Variants in ADGRL3 observed in about 807,000 individuals in gnomAD.
ADGRL3 encodes adhesion G protein-coupled receptor L3, also known as calcium-independent alpha-latrotoxin receptor 3.
In ADGRL3, 62 loss-of-function variants were observed where a neutral mutation model predicts 153.5. The ratio of observed to expected loss-of-function variants is 0.40; its 90% CI spans 0.33 to 0.50. The LOEUF (loss-of-function observed/expected upper bound fraction) is 0.50, where lower values mean the gene tolerates loss of function less well. Ranked by LOEUF, ADGRL3 falls within the 20% of genes least tolerant of loss-of-function variation. ADGRL3 has a pLI of 0.47. For missense variants in ADGRL3, 1,641 were observed against 1,859.4 expected, an observed-to-expected ratio of 0.88 and a Z score of 2.16; for synonymous variants, 710 against 672.5, an observed-to-expected ratio of 1.06 and a Z score of -0.86.
intron 5 of ADGRL3, among the ~76,000 whole-genome samples, chr4:61,593,616 C>T (rs2098978066): frequency 6.6e-6 from 1 of 152,224 alleles, no homozygotes; most frequent in South Asian, 2.1e-4. Flanking sequence ...ATGCCATTCT[C>T]TCCTGGCCTG....
At chr4:61,452,194 G>A (rs991602094) in intron 2 of ADGRL3, among the ~76,000 whole-genome samples, 3 of 152,094 alleles carry the variant, frequency 2.0e-5, no homozygotes, top group Admixed American at 6.6e-5. Context: ...ATGAGTAGTC[G>A]ATAATAGGGT....
intron 9 of ADGRL3, among the ~76,000 whole-genome samples, chr4:61,840,506 TA>T (rs2098013591): frequency 6.6e-6 from 1 of 151,932 alleles, no homozygotes; most frequent in African/African-American, 2.4e-5. Context: ...TTTTTGAGTC[TA>T]AGCCTGAGAG....
intron 2 of ADGRL3, among the ~76,000 whole-genome samples, chr4:61,392,445 G>A (rs1035852247): frequency 5.9e-5 from 9 of 151,292 alleles, no homozygotes; most frequent in African/African-American, 2.2e-4. Flanking sequence ...CCAGCACTTT[G>A]GGAGGCAGAG....
chr4:61,259,517 C>G (rs1268547229), intron 1 of ADGRL3, among the ~76,000 whole-genome samples: 1 of 152,052 alleles, frequency 6.6e-6, no homozygotes, highest in Non-Finnish European at 1.5e-5. Context: ...ATTGGTCAGG[C>G]TTCTTCCTAA....
chr4:61,997,267 G>C (rs2099125005), intron 20 of ADGRL3, among the ~76,000 whole-genome samples: 1 of 149,626 alleles, frequency 6.7e-6, no homozygotes, highest in African/African-American at 2.5e-5. Flanking sequence ...AAAAAGGAAA[G>C]GTAAGAGCAA....
intron 2 of ADGRL3, among the ~76,000 whole-genome samples, chr4:61,432,201 A>C (rs1397577584): frequency 6.6e-6 from 1 of 152,212 alleles, no homozygotes; most frequent in Non-Finnish European, 1.5e-5. Context: ...TAGTAATTAT[A>C]AAGACAAAAA....
intron 8 of ADGRL3, among the ~76,000 whole-genome samples, chr4:61,768,120 C>T (rs367604498): frequency 2.4e-3 from 371 of 152,192 alleles, no homozygotes; most frequent in Middle Eastern, 0.01. Context: ...AGAGCCTAAA[C>T]GCTATCTGAT....
chr4:61,476,438 G>T (rs945013668), intron 2 of ADGRL3, among the ~76,000 whole-genome samples: 2 of 151,934 alleles, frequency 1.3e-5, no homozygotes, highest in Non-Finnish European at 2.9e-5. Flanking sequence ...AGGCGCTGTG[G>T]CTCATACCTG....
rs182398035 is a variant in ADGRL3, at chr4:61,844,662, A to T, written c.1480+30773A>T. ...TAAAACGAATAATCGTAATAACCTCATTGTTTTGTAGTTTGAACATCACTG... is the reference window on the plus strand; with the variant it reads ...TAAAACGAATAATCGTAATAACCTCTTTGTTTTGTAGTTTGAACATCACTG... On this transcript the variant is annotated intron_variant, in intron 9 of 26. Transcript: ENST00000683033. 2.2e-4 allele frequency among the ~76,000 whole-genome samples: 33 copies of T among 147,030 alleles called. No homozygotes were observed. In the Admixed American group the frequency reaches 2.3e-3, roughly 10 times the overall value.
chr4:61,605,992 C>A (rs2099030793), intron 5 of ADGRL3, among the ~76,000 whole-genome samples: 1 of 152,102 alleles, frequency 6.6e-6, no homozygotes, highest in African/African-American at 2.4e-5. Flanking sequence ...AAATACTTTA[C>A]ATAAAATATG....
At chr4:61,979,531 C>A in intron 17 of ADGRL3, 32 bp from the exon 18 acceptor site, 2 of 1,586,476 alleles carry the variant, frequency 1.3e-6, no homozygotes, top group Non-Finnish European at 1.7e-6. Flanking sequence ...TATGCATAAG[C>A]GCAACTTATG....
intron 8 of ADGRL3, among the ~76,000 whole-genome samples, chr4:61,805,826 T>C (rs1424729490): frequency 6.6e-6 from 1 of 152,172 alleles, no homozygotes; most frequent in Admixed American, 6.5e-5. Context: ...GCTTGGTGAA[T>C]TGTTATATCC....
At chr4:61,355,403 A>T (rs560292106) in intron 1 of ADGRL3, among the ~76,000 whole-genome samples, 27 of 152,074 alleles carry the variant, frequency 1.8e-4, no homozygotes, top group African/African-American at 6.3e-4. Flanking sequence ...ATAATTTCTC[A>T]ATTCTTAATG....
chr4:61,419,659 C>G (rs1177897534), intron 2 of ADGRL3, among the ~76,000 whole-genome samples: 1 of 152,192 alleles, frequency 6.6e-6, no homozygotes, highest in Non-Finnish European at 1.5e-5. Context: ...ATCAACATTA[C>G]AGTGAAAGAA....
At chr4:62,069,827 T>C (rs1355837946) in intron 26 of ADGRL3, among the ~76,000 whole-genome samples, 1 of 152,172 alleles carries the variant, frequency 6.6e-6, no homozygotes, top group Non-Finnish European at 1.5e-5. Context: ...CCAATGTTTG[T>C]GTGGCAATTG....
chr4:61,653,929 G>A (rs570409048), intron 5 of ADGRL3, among the ~76,000 whole-genome samples: 1 of 152,248 alleles, frequency 6.6e-6, no homozygotes, highest in South Asian at 2.1e-4. Flanking sequence ...ATACTAGGTA[G>A]GCAAATAGAT....
At chr4:61,464,817 A>G (rs577837605) in intron 2 of ADGRL3, among the ~76,000 whole-genome samples, 1 of 152,308 alleles carries the variant, frequency 6.6e-6, no homozygotes, top group South Asian at 2.1e-4. Flanking sequence ...AAGCACATAA[A>G]TTCATTTTCA....
At chr4:61,946,251 A>G (rs2098923352) in intron 15 of ADGRL3, among the ~76,000 whole-genome samples, 1 of 152,110 alleles carries the variant, frequency 6.6e-6, no homozygotes, top group Non-Finnish European at 1.5e-5. Context: ...TTTCAATTTT[A>G]GAGATTCTTG....
chr4:61,510,581 T>G (rs569977173), intron 3 of ADGRL3, among the ~76,000 whole-genome samples: 1 of 152,294 alleles, frequency 6.6e-6, no homozygotes, highest in African/African-American at 2.4e-5. Flanking sequence ...TGTGTGTGGC[T>G]TTATTTCTGG....
Sources: gnomAD v4.1 joint callset for allele counts (sites outside exome capture counted in the v4.1 genomes callset) on GRCh38, gnomAD v4.1.1 for gene constraint, MANE v1.5 for transcripts, NCBI Gene and HGNC (gene_info 2026-07-23, HGNC 2026-07-21) for gene names.